SMAD6: variants seen among roughly 807,000 people sequenced by gnomAD.
SMAD6 encodes SMAD family member 6.
A neutral mutation model predicts 39.4 loss-of-function variants in SMAD6; 103 were observed. That is an observed-to-expected ratio of 2.62 (90% CI 2.23 to 3.08). The LOEUF (loss-of-function observed/expected upper bound fraction) is 3.08, where lower values mean the gene tolerates loss of function less well. Ranked by LOEUF, SMAD6 falls within the 30% of genes most tolerant of loss-of-function variation. SMAD6 has a pLI of 0.00. For synonymous variants in SMAD6, 445 were observed against 353.3 expected, an observed-to-expected ratio of 1.26 and a Z score of -2.91; for missense variants, 1,104 against 742.9, an observed-to-expected ratio of 1.49 and a Z score of -5.65.
chr15:66,749,368 G>T (rs1405477095), intron 3 of SMAD6, among the ~76,000 whole-genome samples: 2 of 152,200 alleles, frequency 1.3e-5, no homozygotes, highest in African/African-American at 4.8e-5. Context: ...TAAGGCAAGA[G>T]AATCGATTGA....
At chr15:66,710,515 G>A (rs1287244756) in intron 1 of SMAD6, among the ~76,000 whole-genome samples, 1 of 152,162 alleles carries the variant, frequency 6.6e-6, no homozygotes, top group Non-Finnish European at 1.5e-5. Context: ...AAATGCTCCT[G>A]TAACTAATTG....
intron 1 of SMAD6, chr15:66,704,704 C>T (rs953357469): frequency 2.6e-5 from 4 of 152,288 alleles, no homozygotes; most frequent in African/African-American, 4.8e-5. Context: ...TGTCAAGTGC[C>T]AGGGTCTTCC....
intron 3 of SMAD6, chr15:66,717,353 C>T (rs998135944): frequency 2.2e-5 from 10 of 457,114 alleles, no homozygotes; most frequent in Admixed American, 4.7e-5. Context: ...TGGTAGCAGT[C>T]GCCAAAATCA....
chr15:66,731,214 G>A (rs548406288), intron 3 of SMAD6, among the ~76,000 whole-genome samples: 2 of 151,990 alleles, frequency 1.3e-5, no homozygotes, highest in Admixed American at 6.6e-5. Context: ...CGAGGCGGGC[G>A]GATCACGAGG....
intron 3 of SMAD6, among the ~76,000 whole-genome samples, chr15:66,723,342 C>G (rs1893467529): frequency 1.3e-5 from 2 of 152,294 alleles, no homozygotes; most frequent in Admixed American, 6.5e-5. Flanking sequence ...TATTGTGTTT[C>G]CTGAGTGTGG....
At chr15:66,708,850 G>A (rs893091703) in intron 1 of SMAD6, 1 of 440,484 alleles carries the variant, frequency 2.3e-6, no homozygotes, top group African/African-American at 2.0e-5. Context: ...GATGGTGGTT[G>A]ATGGTTGCAC....
chr15:66,742,661 A>T (rs1308059483), intron 3 of SMAD6, among the ~76,000 whole-genome samples: 1 of 152,128 alleles, frequency 6.6e-6, no homozygotes, highest in Non-Finnish European at 1.5e-5. Context: ...TTTGGGAAGG[A>T]GTAGCTGATT....
At chr15:66,754,470 G>A (rs944958931) in intron 3 of SMAD6, among the ~76,000 whole-genome samples, 3 of 152,156 alleles carry the variant, frequency 2.0e-5, no homozygotes, top group Non-Finnish European at 2.9e-5. Flanking sequence ...CAGTGGTACC[G>A]GGCAGGAGCT....
At position 66,704,063 on chromosome 15, in the gene SMAD6, C is replaced by T; in HGVS notation, c.805C>T (p.Leu269Phe). 2 of 1,495,614 alleles carry T rather than the reference C, an allele frequency of 1.3e-6. No homozygotes were observed. The highest frequency in any genetic ancestry group is 8.8e-7 in the Non-Finnish European group (1 of 1,130,890). 92.6% of individuals were successfully genotyped at this position (1,495,614 alleles called of 1,614,324 possible). The change falls in exon 1 of 4, where the codon CTC (leucine) becomes TTC (phenylalanine). Residue 269 changes from leucine (L) to phenylalanine (F), a missense_variant. By Grantham distance (22) the Leu-to-Phe change is conservative (BLOSUM62 0). Coordinates refer to ENST00000288840, the MANE Select transcript of SMAD6 (RefSeq NM_005585.5). ...CTGCAACCCCTACCACTTCAGCCGG[C>T]TCTGCGGGCCCGGTGAGCGCGCTGC... is the stretch of plus-strand genomic sequence containing the variant. The part of the protein sequence containing the change: ...VCCNPYHFSR[L>F]CGPESPPPPY...
intron 3 of SMAD6, among the ~76,000 whole-genome samples, chr15:66,775,385 A>G (rs898839201): frequency 6.6e-6 from 1 of 152,016 alleles, no homozygotes; most frequent in Non-Finnish European, 1.5e-5. Context: ...CTGTTGATAG[A>G]TATCTGAGCT....
intron 3 of SMAD6, among the ~76,000 whole-genome samples, chr15:66,753,949 C>G (rs750310480): frequency 1.4e-4 from 21 of 152,148 alleles, no homozygotes; most frequent in Non-Finnish European, 2.6e-4. Context: ...CCTGGGAGCT[C>G]AAGTTCAGAT....
chr15:66,772,979 C>G (rs1894403725), intron 3 of SMAD6, among the ~76,000 whole-genome samples: 1 of 152,182 alleles, frequency 6.6e-6, no homozygotes, highest in East Asian at 1.9e-4. Flanking sequence ...CCTCCTGTTC[C>G]CATCACACTC....
chr15:66,703,983 AGC>A lies in SMAD6; in HGVS notation c.726_727del (p.Lys242AsnfsTer60). ...GACCTGCAGCACGCCGTGGAGCTGA[AGC>A]CCCTGTGCGGCTGCCACAGCTTCGC... On this transcript the variant is annotated frameshift_variant, in exon 1 of 4. Transcript: ENST00000288840. LOFTEE classifies it high-confidence loss of function. The A allele has an allele frequency of 6.8e-7, 1 of 1,472,834 alleles. No individual in the cohort carries two copies. Among genetic ancestry groups the A allele is most frequent in the Non-Finnish European group, 8.9e-7 (1 of 1,117,862 alleles). 91.2% of individuals were successfully genotyped at this position (1,472,834 alleles called of 1,614,324 possible).
chr15:66,738,617 C>A (rs1893756309), intron 3 of SMAD6, among the ~76,000 whole-genome samples: 1 of 152,186 alleles, frequency 6.6e-6, no homozygotes, highest in Admixed American at 6.5e-5. Flanking sequence ...CACCTTACGT[C>A]ACATTAAACA....
intron 3 of SMAD6, among the ~76,000 whole-genome samples, chr15:66,723,973 A>G (rs1440281756): frequency 6.6e-6 from 1 of 152,208 alleles, no homozygotes; most frequent in Admixed American, 6.5e-5. Flanking sequence ...GTTTTGTAGG[A>G]TGACTAAGAG....
intron 3 of SMAD6, among the ~76,000 whole-genome samples, chr15:66,767,697 A>T (rs986382358): frequency 1.3e-5 from 2 of 152,260 alleles, no homozygotes; most frequent in East Asian, 3.8e-4. Flanking sequence ...TTAATTGTGG[A>T]TTAATAATCT....
At chr15:66,769,330 T>G (rs1894342385) in intron 3 of SMAD6, among the ~76,000 whole-genome samples, 1 of 152,138 alleles carries the variant, frequency 6.6e-6, no homozygotes, top group Admixed American at 6.5e-5. Flanking sequence ...GCGTTTTCAT[T>G]TTTCACTGGG....
Position 66,703,028 on chromosome 15 carries a change from C to G in SMAD6, c.-231C>G. The G allele has an allele frequency of 2.6e-6, 1 of 382,182 alleles. No homozygotes were observed. The highest frequency in any genetic ancestry group is 4.6e-5 in the Admixed American group (1 of 21,690). 23.7% of individuals were successfully genotyped at this position (382,182 alleles called of 1,614,324 possible). On this transcript the variant is annotated 5_prime_UTR_variant, in exon 1 of 4. Coordinates refer to ENST00000288840, the MANE Select transcript of SMAD6 (RefSeq NM_005585.5). Reference sequence around the variant, plus strand: ...GGTCCATGTAGCCGCTGGCCGCGCGCGGACTGCGGCTCGGCGTGCGCGTGT... The same window carrying G: ...GGTCCATGTAGCCGCTGGCCGCGCGGGGACTGCGGCTCGGCGTGCGCGTGT...
intron 3 of SMAD6, among the ~76,000 whole-genome samples, chr15:66,772,843 C>T (rs1894400863): frequency 6.6e-6 from 1 of 152,214 alleles, no homozygotes; most frequent in African/African-American, 2.4e-5. Context: ...ATCCTGGTCC[C>T]AGCTGTGTCG....
Sources: gnomAD v4.1 joint callset for allele counts (sites outside exome capture counted in the v4.1 genomes callset) on GRCh38, gnomAD v4.1.1 for gene constraint, MANE v1.5 for transcripts, NCBI Gene and HGNC (gene_info 2026-07-23, HGNC 2026-07-21) for gene names.